Variants in GPHN observed in about 807,000 individuals in gnomAD.
The protein encoded by GPHN is gephyrin.
Under a neutral mutation model 95.5 loss-of-function variants are expected in GPHN, and 17 were observed. The ratio of observed to expected loss-of-function variants is 0.18; its 90% CI spans 0.12 to 0.27. The LOEUF is 0.27. Ranked by LOEUF, GPHN falls within the 10% of genes least tolerant of loss-of-function variation. The probability of loss-of-function intolerance (pLI) is 1.00; values close to 1 mark genes in which losing one functional copy is unlikely to be tolerated. For synonymous variants in GPHN, 320 were observed against 322.5 expected, an observed-to-expected ratio of 0.99 and a Z score of 0.08; for missense variants, 660 against 978.1, an observed-to-expected ratio of 0.67 and a Z score of 4.34.
intron 4 of GPHN, among the ~76,000 whole-genome samples, chr14:66,860,514 G>T (rs1247879112): frequency 6.6e-6 from 1 of 151,928 alleles, no homozygotes. Context: ...TTAAAGAAAA[G>T]GATGCTAATG....
the GPHN span, among the ~76,000 whole-genome samples, chr14:67,458,620 A>G: frequency 6.6e-6 from 1 of 152,184 alleles, no homozygotes; most frequent in Non-Finnish European, 1.5e-5. Flanking sequence ...GGCCTTGCTT[A>G]AGGGAAGCTA....
At chr14:66,615,401 G>C (rs180748391) in intron 1 of GPHN, among the ~76,000 whole-genome samples, 1 of 150,358 alleles carries the variant, frequency 6.7e-6, no homozygotes, top group South Asian at 2.1e-4. Flanking sequence ...AATAATTGCC[G>C]TTCTGACTGG....
intron 9 of GPHN, among the ~76,000 whole-genome samples, chr14:66,994,381 A>C (rs557182400): frequency 7.9e-5 from 12 of 152,188 alleles, no homozygotes; most frequent in Middle Eastern, 3.4e-3. Flanking sequence ...AGAAAAAAGA[A>C]AAAGAAAAAT....
At chr14:67,245,278 A>G in the GPHN span, among the ~76,000 whole-genome samples, 1 of 152,190 alleles carries the variant, frequency 6.6e-6, no homozygotes, top group African/African-American at 2.4e-5. Flanking sequence ...CCAGCAATAT[A>G]TGAGAGGTCA....
the GPHN span, among the ~76,000 whole-genome samples, chr14:67,363,358 C>T: frequency 6.6e-6 from 1 of 152,084 alleles, no homozygotes; most frequent in Non-Finnish European, 1.5e-5. Context: ...ATCTCTGCTA[C>T]TGTCATTAAT....
intron 4 of GPHN, among the ~76,000 whole-genome samples, chr14:66,861,896 T>A (rs1414653006): frequency 2.0e-5 from 3 of 150,286 alleles, no homozygotes; most frequent in Non-Finnish European, 4.4e-5. Flanking sequence ...AAGGAAAAAA[T>A]TCAAATAAAT....
chr14:66,736,589 G>A (rs1170677123), intron 2 of GPHN, among the ~76,000 whole-genome samples: 3 of 151,444 alleles, frequency 2.0e-5, no homozygotes, highest in African/African-American at 7.3e-5. Flanking sequence ...TAGTACAGAC[G>A]GGGTTTCATC....
the GPHN span, chr14:67,729,196 G>A: frequency 1.3e-5 from 21 of 1,612,540 alleles, no homozygotes; most frequent in Non-Finnish European, 1.7e-5. Context: ...CCCAGGCACC[G>A]GGGTCACCAC....
chr14:66,556,327 A>G lies in GPHN; in HGVS notation c.64+47736A>G, dbSNP rs2060006011. On this transcript the variant is annotated intron_variant, in intron 1 of 22. Transcript: ENST00000478722. ...TATTCATGTAGTTGATGGTCAGTACATCATAAGATTTAAAAGGTGGTTGCA... is the reference window on the plus strand; with the variant it reads ...TATTCATGTAGTTGATGGTCAGTACGTCATAAGATTTAAAAGGTGGTTGCA... Among the ~76,000 whole-genome samples, 5 of 152,328 alleles carry G rather than the reference A, an allele frequency of 3.3e-5. No individual in the cohort carries two copies. In the South Asian group the frequency reaches 1.0e-3, roughly 32 times the overall value.
chr14:67,392,477 C>G, the GPHN span: 9 of 1,412,046 alleles, frequency 6.4e-6, no homozygotes, highest in South Asian at 9.2e-5. Flanking sequence ...GACCCAGGCC[C>G]AGGCTATGGC....
At chr14:67,678,198 A>C in the GPHN span, 1 of 659,890 alleles carries the variant, frequency 1.5e-6, no homozygotes, top group African/African-American at 1.8e-5. Context: ...CCAAGCAGGC[A>C]AGGCTGGAAG....
chr14:67,538,762 C>T, the GPHN span, among the ~76,000 whole-genome samples: 1 of 152,110 alleles, frequency 6.6e-6, no homozygotes, highest in South Asian at 2.1e-4. Flanking sequence ...GTGGTTAATC[C>T]TCTCCATCCC....
At chr14:66,523,007 TCCC>T (rs1428691948) in intron 1 of GPHN, among the ~76,000 whole-genome samples, 1 of 152,072 alleles carries the variant, frequency 6.6e-6, no homozygotes, top group Non-Finnish European at 1.5e-5. Flanking sequence ...ATCTCTAAAA[TCCC>T]CTTCAGCTCT....
At chr14:67,580,393 C>A in the GPHN span, 1 of 166,594 alleles carries the variant, frequency 6.0e-6, no homozygotes, top group South Asian at 1.6e-4. Flanking sequence ...GTATTGTGGT[C>A]TGGGATTACT....
the GPHN span, chr14:67,345,759 G>T: frequency 4.4e-6 from 7 of 1,596,338 alleles, no homozygotes; most frequent in Non-Finnish European, 6.0e-6. Context: ...CAGGTCTTTT[G>T]CTACTTACCT....
chr14:67,010,599 G>A (rs1455601491), intron 9 of GPHN, among the ~76,000 whole-genome samples: 1 of 150,216 alleles, frequency 6.7e-6, no homozygotes, highest in Non-Finnish European at 1.5e-5. Flanking sequence ...AGAAACATAT[G>A]TAAAACAAAG....
intron 9 of GPHN, among the ~76,000 whole-genome samples, chr14:66,990,265 A>C (rs2071322250): frequency 6.6e-6 from 1 of 152,170 alleles, no homozygotes; most frequent in Admixed American, 6.6e-5. Context: ...TCCTCCCTTG[A>C]CATGTGGAGA....
intron 3 of GPHN, among the ~76,000 whole-genome samples, chr14:66,817,407 A>G (rs1477669272): frequency 1.3e-5 from 2 of 152,216 alleles, no homozygotes; most frequent in Non-Finnish European, 2.9e-5. Context: ...TTTATAAAAG[A>G]TAAACTTATC....
chr14:66,804,393 C>T (rs923925959), intron 3 of GPHN, among the ~76,000 whole-genome samples: 8 of 152,164 alleles, frequency 5.3e-5, no homozygotes, highest in Admixed American at 5.2e-4. Flanking sequence ...ACTTCCCTAG[C>T]AAGTCTTTGT....
Sources: allele counts gnomAD v4.1 joint callset (sites outside exome capture counted in the v4.1 genomes callset), GRCh38; gene constraint gnomAD v4.1.1; transcripts MANE v1.5; gene names NCBI Gene and HGNC (gene_info 2026-07-23, HGNC 2026-07-21).